Variants in TRHDE observed in about 807,000 individuals in gnomAD.
TRHDE encodes the protein thyrotropin-releasing hormone-degrading ectoenzyme.
TRHDE carries 72 observed loss-of-function variants against 125.7 expected under a neutral mutation model. That is an observed-to-expected ratio of 0.57 (90% CI 0.47 to 0.70). The LOEUF is 0.70. Among genes scored for constraint, TRHDE ranks in the 30% least tolerant of loss-of-function variants. The probability of loss-of-function intolerance (pLI) is 0.00; values close to 1 mark genes in which losing one functional copy is unlikely to be tolerated. For synonymous variants in TRHDE, 509 were observed against 509.1 expected (o/e 1.00, Z 0.00); for missense variants, 1,110 against 1,327.1 (o/e 0.84, Z 2.54).
rs749621897 is a variant in TRHDE at position 72,272,988 on chromosome 12, G to C, written c.345G>C (p.Ala115=). Residue 115 remains alanine, a synonymous_variant, in exon 1 of 19, where the codon GCG becomes GCC. Transcript: ENST00000261180. This position sits in a 1 kb window ranked among gnomAD's most constrained non-coding sequence, Gnocchi z 6.7. ...GCCTGCGCTTCGACGAGTGCGGGGC[G>C]AGTGCCACGCCAGGCGCCGACGGTG... The part of the protein sequence containing the change: ...LLSLRFDECG[A]SATPGADGGP... The C allele has an allele frequency of 1.9e-6, 3 of 1,553,382 alleles. No homozygotes were observed. The highest frequency in any genetic ancestry group is 3.7e-5 in the Admixed American group (2 of 53,696).
intron 15 of TRHDE, among the ~76,000 whole-genome samples, chr12:72,622,529 T>G (rs1873095906): frequency 6.6e-6 from 1 of 152,022 alleles, no homozygotes. Context: ...GAGTCTTTCC[T>G]CCTAGGAAGG....
At position 72,379,248 on chromosome 12, in the gene TRHDE, G is replaced by A. The variant is rs374739579; in HGVS notation, c.1315+1127G>A. On this transcript the variant is annotated intron_variant, in intron 3 of 18. Transcript: ENST00000261180. ...CAGAATAGTTGATATTGTTATCAAT[G>A]GGTGTGACATACAATTTTTATGAGT... 1.1e-3 allele frequency among the ~76,000 whole-genome samples: 160 copies of A among 152,318 alleles called. 1 individual carries two copies. The South Asian group carries it at 0.014, about 13-fold the overall frequency.
At chr12:72,562,591 T>G (rs544516060) in intron 8 of TRHDE, among the ~76,000 whole-genome samples, 1 of 152,168 alleles carries the variant, frequency 6.6e-6, no homozygotes, top group South Asian at 2.1e-4. Flanking sequence ...TACTGATGCT[T>G]CAGGGATTTG....
chr12:72,572,503 A>G (rs1351757602), intron 10 of TRHDE, among the ~76,000 whole-genome samples: 2 of 152,104 alleles, frequency 1.3e-5, no homozygotes, highest in African/African-American at 2.4e-5. Flanking sequence ...ATTGCTTGCC[A>G]TCATTTAATT....
At chr12:72,342,332 A>G in intron 2 of TRHDE, among the ~76,000 whole-genome samples, 1 of 152,098 alleles carries the variant, frequency 6.6e-6, no homozygotes. Flanking sequence ...TCGTCTAATC[A>G]TTTCTTTTTA....
In TRHDE at chr12:72,487,500, A is replaced by G. The variant is rs145690652; in HGVS notation, c.1585-11998A>G. 6.6e-5 allele frequency among the ~76,000 whole-genome samples: 10 copies of G among 152,308 alleles called. No homozygotes were observed. In the East Asian group the frequency reaches 1.9e-3, roughly 29 times the overall value. On this transcript the variant is annotated intron_variant, in intron 5 of 18. Coordinates refer to ENST00000261180, the MANE Select transcript of TRHDE (RefSeq NM_013381.3). ...GGGATGATATTTTCAAAGTACTGAA[A>G]GAAAATAAAAACCCTTTTAGACAAG...
chr12:72,327,094 C>A (rs1186136389), intron 2 of TRHDE, among the ~76,000 whole-genome samples: 2 of 151,636 alleles, frequency 1.3e-5, no homozygotes, highest in African/African-American at 4.8e-5. Context: ...GTGTGACTTC[C>A]TTGTGAGAAC....
chr12:72,100,365 C>T (rs960182409), intron 1 of TRHDE, among the ~76,000 whole-genome samples: 1 of 152,152 alleles, frequency 6.6e-6, no homozygotes, highest in Non-Finnish European at 1.5e-5. Context: ...CCTGTTTTGG[C>T]CACTAATATG....
chr12:72,434,989 A>G (rs1438120500), intron 3 of TRHDE, among the ~76,000 whole-genome samples: 3 of 152,210 alleles, frequency 2.0e-5, no homozygotes, highest in African/African-American at 7.2e-5. Context: ...TTAAATGTGT[A>G]GTGGGAATTA....
At chr12:72,486,490 C>T (rs1877413537) in intron 5 of TRHDE, among the ~76,000 whole-genome samples, 1 of 152,160 alleles carries the variant, frequency 6.6e-6, no homozygotes, top group Non-Finnish European at 1.5e-5. Context: ...CCTATGCAGC[C>T]ACCATCACTT....
At position 72,195,209 on chromosome 12, in the gene TRHDE, C is replaced by T. The variant is rs79994991; in HGVS notation, n.279+89457C>T. 3.8e-3 allele frequency among the ~76,000 whole-genome samples: 585 copies of T among 152,164 alleles called. 2 individuals are homozygous for T. The highest frequency in any genetic ancestry group is 0.016 in the East Asian group (85 of 5,162). ...ATTACATCCCACTGAGTCCATCCCA[C>T]GACACGCGGGGATTATGGGAACTAC... On this transcript the variant is annotated intron_variant and non_coding_transcript_variant, in intron 2 of 4. Coordinates refer to the TRHDE transcript ENST00000548156.
rs1303495713 is a variant in TRHDE at position 72,663,777 on chromosome 12, G to A, written c.*582G>A. 6.6e-6 allele frequency: 1 copy of A among 152,308 alleles called. No individual in the cohort carries two copies. Among genetic ancestry groups the A allele is most frequent in the South Asian group, 2.1e-4 (1 of 4,826 alleles). 9.4% of individuals were successfully genotyped at this position (152,308 alleles called of 1,614,324 possible). On this transcript the variant is annotated 3_prime_UTR_variant, in exon 19 of 19. Transcript: ENST00000261180. ...TGAACATCACTTATTTCAGCACTTG[G>A]ATTGTCTGGCAATGATTACTGTGTT...
In TRHDE at chr12:72,653,198, G is replaced by A. The variant is rs181703061; in HGVS notation, c.2984+42G>A. On this transcript the variant is annotated intron_variant, in intron 17 of 18. Coordinates refer to ENST00000261180, the MANE Select transcript of TRHDE (RefSeq NM_013381.3). Reference sequence around the variant, plus strand: ...TTACTTGAATGAGTAAATTAAAGCCGACATAGGAGGAATAAAGGCCCAAGT... The same window carrying A: ...TTACTTGAATGAGTAAATTAAAGCCAACATAGGAGGAATAAAGGCCCAAGT... The A allele has an allele frequency of 4.1e-4, 635 of 1,544,952 alleles. 3 individuals are homozygous for A. In the African/African-American group the frequency reaches 6.2e-3, roughly 15 times the overall value.
chr12:72,198,222 T>C (rs1877483805), intron 2 of TRHDE, among the ~76,000 whole-genome samples: 1 of 152,128 alleles, frequency 6.6e-6, no homozygotes, highest in African/African-American at 2.4e-5. Flanking sequence ...TTGATGGACA[T>C]TTGGGTTGTT....
intron 2 of TRHDE, among the ~76,000 whole-genome samples, chr12:72,295,874 G>T (rs1880280235): frequency 4.6e-5 from 7 of 151,988 alleles, no homozygotes; most frequent in African/African-American, 1.7e-4. Flanking sequence ...TGTAATAATG[G>T]TCCATAGAGA....
chr12:72,178,284 T>C (rs949273991), intron 2 of TRHDE, among the ~76,000 whole-genome samples: 1 of 152,098 alleles, frequency 6.6e-6, no homozygotes, highest in African/African-American at 2.4e-5. Context: ...TCAGACAGTT[T>C]ACTGCTATTA....
At chr12:72,175,935 G>A (rs1876978675) in intron 2 of TRHDE, among the ~76,000 whole-genome samples, 1 of 152,204 alleles carries the variant, frequency 6.6e-6, no homozygotes, top group Non-Finnish European at 1.5e-5. Flanking sequence ...TAGCATATCA[G>A]TTGTTTTATA....
intron 2 of TRHDE, among the ~76,000 whole-genome samples, chr12:72,182,632 C>G (rs755626417): frequency 2.0e-5 from 3 of 152,164 alleles, no homozygotes; most frequent in Non-Finnish European, 4.4e-5. Flanking sequence ...GCATTCTGTA[C>G]AGCGATCATA....
At position 72,273,506 on chromosome 12, in the gene TRHDE, A is replaced by G; in HGVS notation, c.863A>G (p.Asn288Ser). The G allele has an allele frequency of 3.1e-6, 5 of 1,610,170 alleles. No individual in the cohort carries two copies. In the South Asian group the frequency reaches 4.4e-5, roughly 14 times the overall value. Residue 288 changes from asparagine (N) to serine (S), a missense_variant, in exon 1 of 19, where the codon AAT becomes AGT. By Grantham distance (46) the Asn-to-Ser change is conservative (BLOSUM62 1). Transcript: ENST00000261180. This position sits in a 1 kb window ranked among gnomAD's most constrained non-coding sequence, Gnocchi z 5.3. ...ATTATCTACAACGCGCTCATCGAGA[A>G]TGAGCTCCTGGGCTTCTTCCGCAGC... Reference protein sequence around the residue: ...LKIIYNALIENELLGFFRSSY... With the variant: ...LKIIYNALIESELLGFFRSSY...
Sources: gnomAD v4.1 joint callset for allele counts (sites outside exome capture counted in the v4.1 genomes callset) on GRCh38, gnomAD v4.1.1 for gene constraint, Gnocchi (gnomAD v3.1) non-coding constraint, MANE v1.5 for transcripts, NCBI Gene and HGNC (gene_info 2026-07-23, HGNC 2026-07-21) for gene names.